KIAA0319: variants seen among roughly 807,000 people sequenced by gnomAD.
KIAA0319 encodes the protein KIAA0319.
KIAA0319 carries 83 observed loss-of-function variants against 108.4 expected under a neutral mutation model. The observed-to-expected ratio is 0.77, with a 90% confidence interval of 0.64 to 0.92. The LOEUF (loss-of-function observed/expected upper bound fraction) is 0.92, where lower values mean the gene tolerates loss of function less well. Among genes scored for constraint, KIAA0319 ranks in the 40% least tolerant of loss-of-function variants. The pLI is 0.00. For missense variants in KIAA0319, 1,195 were observed against 1,322.4 expected (o/e 0.90, Z 1.49); for synonymous variants, 484 against 510.4 (o/e 0.95, Z 0.70).
intron 1 of KIAA0319, among the ~76,000 whole-genome samples, chr6:24,628,746 T>G (rs1775075863): frequency 6.6e-6 from 1 of 152,152 alleles, no homozygotes; most frequent in Non-Finnish European, 1.5e-5. Context: ...TAGCTTCTGA[T>G]GGTGGCCGTC....
At chr6:24,541,145 A>G (rs1056811721), downstream of KIAA0319, among the ~76,000 whole-genome samples, 1 of 151,832 alleles carries the variant, frequency 6.6e-6, no homozygotes, top group African/African-American at 2.4e-5. Context: ...TATACATGCA[A>G]AAAAAAAGGA....
chr6:24,577,794 C>T (rs1314332336), intron 9 of KIAA0319, among the ~76,000 whole-genome samples: 1 of 152,108 alleles, frequency 6.6e-6, no homozygotes, highest in Non-Finnish European at 1.5e-5. Flanking sequence ...CTTTTTGGGC[C>T]CGTTAGGAAA....
intron 1 of KIAA0319, among the ~76,000 whole-genome samples, chr6:24,602,860 G>C (rs1464266080): frequency 1.3e-5 from 2 of 152,120 alleles, no homozygotes; most frequent in African/African-American, 4.8e-5. Flanking sequence ...GCTCATGATG[G>C]CACGCAGGTA....
Position 24,646,120 on chromosome 6 carries a change from A to AC in KIAA0319, c.-491dup, listed in dbSNP as rs1158391545. 1.3e-5 allele frequency: 2 copies of AC among 151,836 alleles called. No homozygotes were observed. The highest frequency in any genetic ancestry group is 2.9e-5 in the Non-Finnish European group (2 of 68,008). 9.4% of individuals were successfully genotyped at this position (151,836 alleles called of 1,614,324 possible). On this transcript the variant is annotated 5_prime_UTR_variant, in exon 1 of 21. Coordinates refer to ENST00000378214, the MANE Select transcript of KIAA0319 (RefSeq NM_014809.4). ...GGCAGCACAGGTGGAGCAAGGTTGC[A>AC]CCCCCGGGGGATCCCCGCCCACCGC...
chr6:24,567,631 T>A (rs566867503), intron 13 of KIAA0319, among the ~76,000 whole-genome samples: 1 of 152,046 alleles, frequency 6.6e-6, no homozygotes, highest in South Asian at 2.1e-4. Context: ...AGATCAGGAG[T>A]TTGAGGCTGC....
chr6:24,599,836 C>A lies in KIAA0319; in HGVS notation c.55+1213G>T. The A allele has an allele frequency of 4.5e-6, 2 of 445,750 alleles. No individual in the cohort carries two copies. Among genetic ancestry groups the A allele is most frequent in the East Asian group, 5.3e-5 (1 of 18,718 alleles). 27.6% of individuals were successfully genotyped at this position (445,750 alleles called of 1,614,324 possible). On this transcript the variant is annotated intron_variant, in intron 2 of 20. Transcript: ENST00000378214. This position sits in a 1 kb window ranked among gnomAD's most constrained non-coding sequence, Gnocchi z 4.1. ...AGCCTACCCCCTCCTGTGACTGCCC[C>A]AGAGCCTGTGGGGGAGGCCACTGTG...
intron 19 of KIAA0319, among the ~76,000 whole-genome samples, chr6:24,553,350 T>TAC (rs1761858254): frequency 6.8e-6 from 1 of 147,170 alleles, no homozygotes; most frequent in Non-Finnish European, 1.5e-5. Flanking sequence ...CATATATATA[T>TAC]ATATATATCT....
chr6:24,606,586 T>G (rs1582193840), intron 1 of KIAA0319, among the ~76,000 whole-genome samples: 1 of 152,196 alleles, frequency 6.6e-6, no homozygotes, highest in East Asian at 1.9e-4. Flanking sequence ...AGAATGAGGC[T>G]CAAGGATAAG....
chr6:24,586,598 T>C (rs1223405953), intron 4 of KIAA0319, among the ~76,000 whole-genome samples: 1 of 152,216 alleles, frequency 6.6e-6, no homozygotes. Context: ...TTTCCTTGTT[T>C]TAGTTCAAGA....
At chr6:24,555,773 G>A (rs1192221840) in intron 18 of KIAA0319, among the ~76,000 whole-genome samples, 2 of 152,154 alleles carry the variant, frequency 1.3e-5, no homozygotes, top group Non-Finnish European at 1.5e-5. Context: ...GCCTGCCTGT[G>A]TGAACAGCTG....
chr6:24,632,280 G>A (rs910781051), intron 1 of KIAA0319, among the ~76,000 whole-genome samples: 1 of 152,018 alleles, frequency 6.6e-6, no homozygotes, highest in East Asian at 1.9e-4. Context: ...TACATATATC[G>A]CATTAGTTGA....
At chr6:24,607,915 G>A (rs1279297168) in intron 1 of KIAA0319, among the ~76,000 whole-genome samples, 2 of 151,964 alleles carry the variant, frequency 1.3e-5, no homozygotes, top group Non-Finnish European at 2.9e-5. Context: ...AACTGTGAAC[G>A]AACTAATTGG....
chr6:24,614,635 T>A (rs1772884079), intron 1 of KIAA0319, among the ~76,000 whole-genome samples: 1 of 152,212 alleles, frequency 6.6e-6, no homozygotes, highest in African/African-American at 2.4e-5. Flanking sequence ...TATCCAAGAA[T>A]TAGATCCAAT....
intron 11 of KIAA0319, among the ~76,000 whole-genome samples, chr6:24,571,837 C>G (rs1279380495): frequency 6.6e-6 from 1 of 152,316 alleles, no homozygotes; most frequent in East Asian, 1.9e-4. Context: ...GCAGATGCAT[C>G]TCACCCAGGT....
intron 3 of KIAA0319, among the ~76,000 whole-genome samples, chr6:24,592,603 TTTGTGAACACTTATTCAGAGA>T (rs1213884416): frequency 1.3e-5 from 2 of 152,202 alleles, no homozygotes; most frequent in African/African-American, 4.8e-5. Context: ...GCATGTAATT[TTTGTGAACACTTATTCAGAGA>T]TTGTCTACAA....
At chr6:24,588,147 T>C (rs563155023) in intron 4 of KIAA0319, among the ~76,000 whole-genome samples, 2 of 152,354 alleles carry the variant, frequency 1.3e-5, no homozygotes, top group Admixed American at 6.5e-5. Flanking sequence ...ACTGAGCATA[T>C]TGCCTGGCAC....
In KIAA0319 at chr6:24,581,070, C is replaced by T. The variant is rs759853400; in HGVS notation, c.1192-57G>A. 225 of 1,129,626 alleles carry T rather than the reference C, an allele frequency of 2.0e-4. 1 individual carries two copies. The highest frequency in any genetic ancestry group is 2.8e-4 in the Non-Finnish European group (213 of 749,374). The allele number at this position is 1,129,626 out of a possible 1,614,324, so 70.0% of individuals were successfully genotyped here. A position where few individuals can be genotyped will look rare whatever the true frequency, so the allele number is the denominator to read the frequency against. ...CATGCAAGACGTGATGGGTCCACTA[C>T]GTAGAAAAAGCTAAAATGTCCCAGA... On this transcript the variant is annotated intron_variant, in intron 6 of 20. Coordinates refer to ENST00000378214, the MANE Select transcript of KIAA0319 (RefSeq NM_014809.4).
intron 1 of KIAA0319, among the ~76,000 whole-genome samples, chr6:24,641,577 T>G (rs753747003): frequency 2.6e-5 from 4 of 152,194 alleles, no homozygotes; most frequent in Admixed American, 6.5e-5. Flanking sequence ...CAGAAACACA[T>G]ATCTGCATGG....
At chr6:24,556,864 C>T in intron 17 of KIAA0319, 135 bp from the exon 18 acceptor site, 1 of 1,034,466 alleles carries the variant, frequency 9.7e-7, no homozygotes, top group African/African-American at 1.6e-5. Flanking sequence ...ACAGTGTGGA[C>T]AGGGGTTCTG....
Sources: gnomAD v4.1 joint callset for allele counts (sites outside exome capture counted in the v4.1 genomes callset) on GRCh38, gnomAD v4.1.1 for gene constraint, Gnocchi (gnomAD v3.1) non-coding constraint, MANE v1.5 for transcripts, NCBI Gene and HGNC (gene_info 2026-07-23, HGNC 2026-07-21) for gene names.